SLIT2: variants seen among roughly 807,000 people sequenced by gnomAD.
SLIT2 encodes slit guidance ligand 2.
SLIT2 carries 41 observed loss-of-function variants against 185.7 expected under a neutral mutation model. That is an observed-to-expected ratio of 0.22 (90% CI 0.17 to 0.29). The LOEUF (loss-of-function observed/expected upper bound fraction) is 0.29, where lower values mean the gene tolerates loss of function less well. Among genes scored for constraint, SLIT2 ranks in the 10% least tolerant of loss-of-function variants. The pLI, the probability that SLIT2 is intolerant of heterozygous loss-of-function variation, is 1.00. For synonymous variants in SLIT2, 693 were observed against 680.2 expected, an observed-to-expected ratio of 1.02 and a Z score of -0.29; for missense variants, 1,571 against 1,909.0, an observed-to-expected ratio of 0.82 and a Z score of 3.30.
chr4:20,351,934 C>A (rs1292147195), intron 4 of SLIT2, among the ~76,000 whole-genome samples: 2 of 152,136 alleles, frequency 1.3e-5, no homozygotes, highest in Non-Finnish European at 2.9e-5. Flanking sequence ...CTTGTCTCAG[C>A]ATTTATTCTT....
chr4:20,525,457 T>G (rs1049692672), intron 15 of SLIT2, among the ~76,000 whole-genome samples: 6 of 152,166 alleles, frequency 3.9e-5, no homozygotes, highest in African/African-American at 1.4e-4. Flanking sequence ...AAGCTATGGC[T>G]TTCTACTTAA....
chr4:20,511,261 TTAA>T (rs1719685282), intron 11 of SLIT2, 124 bp downstream of exon 11: 3 of 571,506 alleles, frequency 5.2e-6, no homozygotes, highest in Non-Finnish European at 9.3e-6. Context: ...ATTAATAATG[TTAA>T]TTATTATTAA....
At chr4:20,585,562 C>G (rs1327213112) in intron 29 of SLIT2, among the ~76,000 whole-genome samples, 2 of 152,152 alleles carry the variant, frequency 1.3e-5, no homozygotes, top group African/African-American at 4.8e-5. Flanking sequence ...TCATAGACAC[C>G]AACATTTAAC....
chr4:20,469,722 TAGTC>T (rs1714755842), intron 5 of SLIT2, among the ~76,000 whole-genome samples: 1 of 151,358 alleles, frequency 6.6e-6, no homozygotes, highest in Admixed American at 6.6e-5. Context: ...ATGAGCAAAT[TAGTC>T]AGCTTCATTA....
rs142558881 is a variant in SLIT2 at position 20,549,969 on chromosome 4, A to G, written c.2489+841A>G. On this transcript the variant is annotated intron_variant, in intron 24 of 36. Transcript: ENST00000504154. ...GGTGCAAATGTGCTGGCATTTCAGC[A>G]AGAATTTAGGGTGTGTGGGAAGGTA... Among the ~76,000 whole-genome samples, 5 of 152,174 alleles carry G rather than the reference A, an allele frequency of 3.3e-5. No individual in the cohort carries two copies. The East Asian group carries it at 7.7e-4, about 23-fold the overall frequency.
chr4:20,561,784 A>G (rs763500563), intron 26 of SLIT2, among the ~76,000 whole-genome samples: 5 of 151,684 alleles, frequency 3.3e-5, no homozygotes, highest in Non-Finnish European at 7.4e-5. Context: ...ATATGGTAGT[A>G]TGCTAAACGT....
chr4:20,491,072 A>C (rs1437887241), intron 8 of SLIT2, among the ~76,000 whole-genome samples: 1 of 152,220 alleles, frequency 6.6e-6, no homozygotes, highest in Non-Finnish European at 1.5e-5. Flanking sequence ...AATTGTTCCA[A>C]ATATTGAGTA....
At chr4:20,463,104 G>A (rs1027213492) in intron 4 of SLIT2, among the ~76,000 whole-genome samples, 20 of 151,894 alleles carry the variant, frequency 1.3e-4, no homozygotes, top group Admixed American at 2.6e-4. Flanking sequence ...GGTAAGCACC[G>A]TGACCCAAGG....
intron 15 of SLIT2, among the ~76,000 whole-genome samples, chr4:20,526,249 T>C (rs1721281320): frequency 6.6e-6 from 1 of 152,162 alleles, no homozygotes; most frequent in Non-Finnish European, 1.5e-5. Flanking sequence ...TGTATAATTT[T>C]ATGGATTTAG....
intron 4 of SLIT2, among the ~76,000 whole-genome samples, chr4:20,319,972 G>A (rs1718921735): frequency 6.6e-6 from 1 of 152,110 alleles, no homozygotes; most frequent in African/African-American, 2.4e-5. Context: ...GCCCGTGAGA[G>A]TCCTTAGAGC....
rs1336735058 is a variant in SLIT2, at chr4:20,268,867, G to A, written c.381G>A (p.Ala127=). The change falls in exon 4 of 37, where the codon GCG becomes GCA. Residue 127 remains alanine (A), a synonymous_variant. Transcript: ENST00000504154. The part of the protein sequence containing the change: ...LFPELLFLGT[A]KLYRLDLSEN... ...CTGAGTTGCTGTTTCTTGGGACTGC[G>A]AAGCTATACAGGCTGTAAGTAGACA... 8 of 1,603,142 alleles carry A rather than the reference G, an allele frequency of 5.0e-6. No individual in the cohort carries two copies. The African/African-American group carries it at 9.4e-5, about 19-fold the overall frequency.
chr4:20,614,416 T>C (rs1402639029), intron 34 of SLIT2, among the ~76,000 whole-genome samples: 1 of 152,100 alleles, frequency 6.6e-6, no homozygotes, highest in East Asian at 1.9e-4. Context: ...GTTGGTTGAT[T>C]GATTGATTGG....
intron 6 of SLIT2, among the ~76,000 whole-genome samples, chr4:20,482,967 A>G (rs1304340816): frequency 6.6e-6 from 1 of 151,956 alleles, no homozygotes; most frequent in African/African-American, 2.4e-5. Flanking sequence ...ACAAAAGTTT[A>G]CCTATTACAA....
intron 4 of SLIT2, among the ~76,000 whole-genome samples, chr4:20,363,115 A>G (rs891965910): frequency 6.6e-6 from 1 of 152,120 alleles, no homozygotes; most frequent in Non-Finnish European, 1.5e-5. Context: ...TTAAAAATAT[A>G]TATTGTTTTA....
chr4:20,427,346 C>T (rs976455946), intron 4 of SLIT2, among the ~76,000 whole-genome samples: 1 of 152,118 alleles, frequency 6.6e-6, no homozygotes, highest in Non-Finnish European at 1.5e-5. Context: ...ATATACATGT[C>T]CTGTAGCCTG....
chr4:20,539,546 A>G lies in SLIT2; in HGVS notation c.1938A>G (p.Ala646=). 6.2e-7 allele frequency: 1 copy of G among 1,613,102 alleles called. No homozygotes were observed. Among genetic ancestry groups the G allele is most frequent in the Non-Finnish European group, 8.5e-7 (1 of 1,179,222 alleles). ...SLYDNQITTV[A]PGAFDTLHSL... ...ATGATAATCAAATTACTACAGTTGC[A>G]CCAGGGGCATTTGATACTCTCCATT... The change falls in exon 19 of 37, where the codon GCA becomes GCG. Residue 646 remains alanine, a synonymous_variant. Transcript: ENST00000504154.
chr4:20,508,110 T>G (rs1041408892), intron 9 of SLIT2, among the ~76,000 whole-genome samples: 1 of 152,042 alleles, frequency 6.6e-6, no homozygotes, highest in Admixed American at 6.6e-5. Context: ...CCTAGATAAA[T>G]AATACAGAAG....
intron 30 of SLIT2, among the ~76,000 whole-genome samples, chr4:20,591,297 C>T (rs547769943): frequency 1.3e-5 from 2 of 152,134 alleles, no homozygotes; most frequent in Non-Finnish European, 2.9e-5. Flanking sequence ...TTGTACTTAC[C>T]GAACAGATCA....
chr4:20,458,949 A>G (rs1419191216), intron 4 of SLIT2, among the ~76,000 whole-genome samples: 1 of 152,216 alleles, frequency 6.6e-6, no homozygotes, highest in Non-Finnish European at 1.5e-5. Flanking sequence ...TAAATTGCAT[A>G]CTTTTTCACA....
Sources: gnomAD v4.1 joint callset for allele counts (sites outside exome capture counted in the v4.1 genomes callset) on GRCh38, gnomAD v4.1.1 for gene constraint, MANE v1.5 for transcripts, NCBI Gene and HGNC (gene_info 2026-07-23, HGNC 2026-07-21) for gene names.